SMYD3: variants seen among roughly 807,000 people sequenced by gnomAD.
SMYD3 encodes the protein SET and MYND domain containing 3.
SMYD3 carries 36 observed loss-of-function variants against 57.7 expected under a neutral mutation model. The observed-to-expected ratio is 0.62, with a 90% confidence interval of 0.48 to 0.82. SMYD3 has a LOEUF of 0.82. Among genes scored for constraint, SMYD3 ranks in the 40% least tolerant of loss-of-function variants. SMYD3 has a pLI of 0.00. For synonymous variants in SMYD3, 211 were observed against 195.0 expected, an observed-to-expected ratio of 1.08 and a Z score of -0.68; for missense variants, 515 against 538.8, an observed-to-expected ratio of 0.96 and a Z score of 0.44.
At chr1:246,374,986 G>A (rs1161743443) in intron 1 of SMYD3, among the ~76,000 whole-genome samples, 4 of 152,138 alleles carry the variant, frequency 2.6e-5, no homozygotes, top group Non-Finnish European at 1.5e-5. Flanking sequence ...CCAGCTACTC[G>A]GGAGGCTGAG....
intron 10 of SMYD3, among the ~76,000 whole-genome samples, chr1:245,798,812 C>G (rs574237713): frequency 2.6e-5 from 4 of 152,038 alleles, no homozygotes; most frequent in Non-Finnish European, 5.9e-5. Context: ...TACCTATTTT[C>G]TTCTTCCTCC....
chr1:246,417,174 C>G (rs1280992215), intron 1 of SMYD3: 1 of 152,242 alleles, frequency 6.6e-6, no homozygotes, highest in African/African-American at 2.4e-5. Flanking sequence ...ATTAAACTCT[C>G]CTAAAATCAC....
At chr1:245,995,328 G>A (rs567736775) in intron 5 of SMYD3, among the ~76,000 whole-genome samples, 132 of 152,294 alleles carry the variant, frequency 8.7e-4, no homozygotes, top group African/African-American at 2.8e-3. Flanking sequence ...CCTGAATTCC[G>A]CATTAATTCA....
chr1:245,831,911 G>A (rs772956182), intron 10 of SMYD3, among the ~76,000 whole-genome samples: 5 of 152,254 alleles, frequency 3.3e-5, no homozygotes, highest in Non-Finnish European at 4.4e-5. Flanking sequence ...AAACTTTGCC[G>A]GACATTGCCT....
At chr1:246,137,707 C>T (rs1365364441) in intron 5 of SMYD3, among the ~76,000 whole-genome samples, 1 of 152,204 alleles carries the variant, frequency 6.6e-6, no homozygotes, top group African/African-American at 2.4e-5. Context: ...TCCCTCCACC[C>T]TACAGAGTGA....
rs1157650891 is a variant in SMYD3, at chr1:245,951,404, C to T, written c.532-21467G>A. On this transcript the variant is annotated intron_variant, in intron 5 of 11. Transcript: ENST00000490107. ...CTAACACGGTGAAACCCCATCTCTA[C>T]TAAAAATACAAAAAATTAGCTGGGC... is the stretch of plus-strand genomic sequence containing the variant. 3.6e-5 allele frequency among the ~76,000 whole-genome samples: 5 copies of T among 138,168 alleles called. 1 individual carries two copies. The highest frequency in any genetic ancestry group is 1.2e-4 in the African/African-American group (4 of 33,450). 90.6% of individuals were successfully genotyped at this position (138,168 alleles called of 152,430 possible). A position where few individuals can be genotyped will look rare whatever the true frequency, so the allele number is the denominator to read the frequency against.
At chr1:246,489,910 C>T (rs2068243635) in intron 1 of SMYD3, among the ~76,000 whole-genome samples, 1 of 152,038 alleles carries the variant, frequency 6.6e-6, no homozygotes, top group African/African-American at 2.4e-5. Flanking sequence ...TCATAGCAGC[C>T]TCAACCCCCC....
chr1:246,064,151 T>C (rs1036754822), intron 5 of SMYD3, among the ~76,000 whole-genome samples: 10 of 152,090 alleles, frequency 6.6e-5, no homozygotes, highest in Non-Finnish European at 1.3e-4. Context: ...AGGCCTCTGT[T>C]CTCTCTTGCT....
intron 5 of SMYD3, among the ~76,000 whole-genome samples, chr1:245,966,158 C>T (rs1479099924): frequency 6.6e-6 from 1 of 151,790 alleles, no homozygotes; most frequent in Non-Finnish European, 1.5e-5. Flanking sequence ...TTGCTATTTT[C>T]CTTCTCTCCT....
chr1:246,138,988 T>C (rs894060086), intron 5 of SMYD3, among the ~76,000 whole-genome samples: 12 of 152,184 alleles, frequency 7.9e-5, no homozygotes, highest in Admixed American at 2.6e-4. Flanking sequence ...GCCTGAGCTA[T>C]ACAGAGGAAG....
At chr1:245,978,542 T>C (rs959536663) in intron 5 of SMYD3, among the ~76,000 whole-genome samples, 1 of 152,122 alleles carries the variant, frequency 6.6e-6, no homozygotes, top group Admixed American at 6.5e-5. Context: ...GAAATCATCT[T>C]TATTAGAAAA....
intron 1 of SMYD3, among the ~76,000 whole-genome samples, chr1:246,376,286 T>C (rs144844482): frequency 6.0e-4 from 92 of 152,166 alleles, no homozygotes; most frequent in African/African-American, 2.1e-3. Flanking sequence ...TTGATAACAA[T>C]GTTTTAAGCT....
chr1:245,935,152 A>G (rs1308065897), intron 5 of SMYD3, among the ~76,000 whole-genome samples: 1 of 152,258 alleles, frequency 6.6e-6, no homozygotes, highest in East Asian at 1.9e-4. Context: ...TATAAACCAT[A>G]CAACGGATAA....
intron 1 of SMYD3, among the ~76,000 whole-genome samples, chr1:246,409,529 GTCTA>G (rs1168073863): frequency 6.6e-6 from 1 of 152,080 alleles, no homozygotes; most frequent in African/African-American, 2.4e-5. Context: ...TGTTCCATTG[GTCTA>G]TCTCTCTGTT....
At chr1:246,004,162 C>A (rs943522365) in intron 5 of SMYD3, among the ~76,000 whole-genome samples, 1 of 152,176 alleles carries the variant, frequency 6.6e-6, no homozygotes, top group African/African-American at 2.4e-5. Context: ...CAGCACAGTG[C>A]TAACATCTAG....
intron 5 of SMYD3, among the ~76,000 whole-genome samples, chr1:246,304,930 CCAT>C (rs1285382960): frequency 4.6e-5 from 7 of 152,180 alleles, no homozygotes; most frequent in African/African-American, 1.7e-4. Context: ...TTCCTGCACT[CCAT>C]CATTAAGAGC....
At chr1:246,138,627 G>A (rs1307686745) in intron 5 of SMYD3, among the ~76,000 whole-genome samples, 7 of 145,866 alleles carry the variant, frequency 4.8e-5, no homozygotes, top group Admixed American at 1.4e-4. Flanking sequence ...GGGTTTCACC[G>A]TGTTAGCCAG....
intron 10 of SMYD3, among the ~76,000 whole-genome samples, chr1:245,833,697 G>C (rs1035892542): frequency 1.3e-5 from 2 of 152,168 alleles, no homozygotes; most frequent in African/African-American, 4.8e-5. Context: ...CCTATTTTAA[G>C]AACTCACCTG....
intron 5 of SMYD3, among the ~76,000 whole-genome samples, chr1:246,084,500 G>A (rs889146746): frequency 6.6e-6 from 1 of 152,188 alleles, no homozygotes; most frequent in Non-Finnish European, 1.5e-5. Flanking sequence ...ACAGGCCACT[G>A]CACCCAGCCC....
Sources: gnomAD v4.1 joint callset for allele counts (sites outside exome capture counted in the v4.1 genomes callset) on GRCh38, gnomAD v4.1.1 for gene constraint, MANE v1.5 for transcripts, NCBI Gene and HGNC (gene_info 2026-07-23, HGNC 2026-07-21) for gene names.